MYRIP: variants seen among roughly 807,000 people sequenced by gnomAD.
MYRIP encodes rab effector MyRIP.
Under a neutral mutation model 98.0 loss-of-function variants are expected in MYRIP, and 49 were observed. That is an observed-to-expected ratio of 0.50 (90% CI 0.40 to 0.63). The LOEUF (loss-of-function observed/expected upper bound fraction) is 0.63, where lower values mean the gene tolerates loss of function less well. Among genes scored for constraint, MYRIP ranks in the 30% least tolerant of loss-of-function variants. MYRIP has a pLI of 0.00. For synonymous variants in MYRIP, 404 were observed against 409.5 expected (o/e 0.99, Z 0.16); for missense variants, 1,004 against 1,058.2 (o/e 0.95, Z 0.71).
chr3:39,938,666 A>G lies in MYRIP; in HGVS notation c.110+37740A>G, dbSNP rs1233920131. ...TTTTAATTTTATCTTCCTACTTTTA[A>G]AAATATTTTAGAACTTTTTTGTAGA... On this transcript the variant is annotated intron_variant, in intron 2 of 16. Transcript: ENST00000302541. Among the ~76,000 whole-genome samples the G allele has an allele frequency of 5.9e-5, 9 of 152,170 alleles. No homozygotes were observed. The South Asian group carries it at 1.0e-3, about 18-fold the overall frequency.
intron 2 of MYRIP, among the ~76,000 whole-genome samples, chr3:39,922,426 G>A (rs1944326689): frequency 6.6e-6 from 1 of 152,178 alleles, no homozygotes; most frequent in Admixed American, 6.5e-5. Context: ...CACCTCTCTT[G>A]TGGTGTAAGT....
At chr3:40,182,451 C>G in intron 9 of MYRIP, 78 bp downstream of exon 9, 4 of 1,477,268 alleles carry the variant, frequency 2.7e-6, no homozygotes, top group Non-Finnish European at 9.2e-7. Flanking sequence ...TATTGCATGG[C>G]CACTCTGCTC....
At chr3:39,953,425 C>A (rs531996803) in intron 2 of MYRIP, among the ~76,000 whole-genome samples, 1 of 152,260 alleles carries the variant, frequency 6.6e-6, no homozygotes, top group African/African-American at 2.4e-5. Context: ...GATATCCTGC[C>A]TTACAGTGTT....
At chr3:40,223,357 T>G (rs1952391824) in intron 11 of MYRIP, among the ~76,000 whole-genome samples, 1 of 152,208 alleles carries the variant, frequency 6.6e-6, no homozygotes. Context: ...GTACAGTAAT[T>G]AAATTTGTGA....
At chr3:40,131,350 G>A (rs1000488223) in intron 3 of MYRIP, among the ~76,000 whole-genome samples, 6 of 152,160 alleles carry the variant, frequency 3.9e-5, no homozygotes, top group Admixed American at 1.3e-4. Flanking sequence ...CCTCACTCAC[G>A]GATGCATTCC....
At chr3:40,065,735 G>A (rs775356892) in intron 3 of MYRIP, among the ~76,000 whole-genome samples, 9 of 152,188 alleles carry the variant, frequency 5.9e-5, no homozygotes, top group Non-Finnish European at 1.2e-4. Flanking sequence ...GTTACACCCA[G>A]AAGAGGCATG....
At chr3:39,963,379 T>C (rs1945369916) in intron 2 of MYRIP, among the ~76,000 whole-genome samples, 1 of 152,184 alleles carries the variant, frequency 6.6e-6, no homozygotes, top group African/African-American at 2.4e-5. Context: ...TAAGCCTATC[T>C]AATCTCTTTT....
In MYRIP at chr3:39,917,021, C is replaced by T. The variant is rs779273841; in HGVS notation, c.110+16095C>T. ...AATAACTAACCATTTAAAGCCAAAA[C>T]TCTCCCTGAGCAATTGACTAAGTAA... is the stretch of plus-strand genomic sequence containing the variant. On this transcript the variant is annotated intron_variant, in intron 2 of 16. Transcript: ENST00000302541. Among the ~76,000 whole-genome samples, 171 of 152,098 alleles carry T rather than the reference C, an allele frequency of 1.1e-3. 1 individual carries two copies. The highest frequency in any genetic ancestry group is 2.0e-3 in the Non-Finnish European group (139 of 67,966).
At chr3:40,081,397 C>T (rs1253276055) in intron 3 of MYRIP, among the ~76,000 whole-genome samples, 1 of 152,158 alleles carries the variant, frequency 6.6e-6, no homozygotes, top group Admixed American at 6.5e-5. Flanking sequence ...ATGCTTTATG[C>T]ATTTTGAGGT....
At chr3:40,095,610 G>A (rs536438750) in intron 3 of MYRIP, among the ~76,000 whole-genome samples, 1 of 152,054 alleles carries the variant, frequency 6.6e-6, no homozygotes, top group Admixed American at 6.5e-5. Context: ...TGAGAAATGC[G>A]TGGGCAGGGG....
At chr3:39,838,793 C>T (rs1005100326) in intron 1 of MYRIP, among the ~76,000 whole-genome samples, 1 of 151,994 alleles carries the variant, frequency 6.6e-6, no homozygotes, top group African/African-American at 2.4e-5. Flanking sequence ...GGTACCAGCT[C>T]CTCTTTATAT....
intron 8 of MYRIP, among the ~76,000 whole-genome samples, chr3:40,177,548 G>T (rs1288726502): frequency 6.6e-6 from 1 of 152,196 alleles, no homozygotes; most frequent in Non-Finnish European, 1.5e-5. Context: ...TCCCCATCCA[G>T]ATGGGATTTC....
chr3:39,952,719 T>C (rs71329598), intron 2 of MYRIP, among the ~76,000 whole-genome samples: 3,403 of 152,320 alleles, frequency 0.022, 70 homozygotes, highest in Non-Finnish European at 0.031. Flanking sequence ...GGATTGGTAG[T>C]AATGAATTTT....
intron 1 of MYRIP, among the ~76,000 whole-genome samples, chr3:39,884,727 T>C (rs1267326360): frequency 6.6e-6 from 1 of 152,120 alleles, no homozygotes; most frequent in African/African-American, 2.4e-5. Context: ...GAACTTTCCA[T>C]ATTCGCTCAT....
chr3:40,062,964 T>G (rs1948049880), intron 3 of MYRIP, among the ~76,000 whole-genome samples: 1 of 152,178 alleles, frequency 6.6e-6, no homozygotes, highest in Admixed American at 6.6e-5. Context: ...GGAAAAGCTG[T>G]ACAACTGCCA....
intron 2 of MYRIP, among the ~76,000 whole-genome samples, chr3:40,011,498 A>G (rs1351285797): frequency 6.6e-6 from 1 of 152,202 alleles, no homozygotes; most frequent in East Asian, 1.9e-4. Flanking sequence ...TTAACTTAGT[A>G]CCAACATCAT....
chr3:39,997,987 T>C (rs1278539936), intron 2 of MYRIP, among the ~76,000 whole-genome samples: 3 of 152,128 alleles, frequency 2.0e-5, no homozygotes, highest in Non-Finnish European at 2.9e-5. Flanking sequence ...TTCAACAACC[T>C]TCATGCTAAA....
chr3:39,925,659 TATC>T (rs1944405980), intron 2 of MYRIP, among the ~76,000 whole-genome samples: 1 of 152,080 alleles, frequency 6.6e-6, no homozygotes, highest in African/African-American at 2.4e-5. Flanking sequence ...AAAGACATAA[TATC>T]ATTCTTTTTA....
At chr3:40,170,524 G>A (rs187598222) in intron 8 of MYRIP, among the ~76,000 whole-genome samples, 34 of 152,290 alleles carry the variant, frequency 2.2e-4, no homozygotes, top group African/African-American at 7.9e-4. Context: ...GGTCACATCT[G>A]GACACAGGAA....
Sources: gnomAD v4.1 joint callset for allele counts (sites outside exome capture counted in the v4.1 genomes callset) on GRCh38, gnomAD v4.1.1 for gene constraint, MANE v1.5 for transcripts, NCBI Gene and HGNC (gene_info 2026-07-23, HGNC 2026-07-21) for gene names.